IP6K2: variants seen among roughly 807,000 people sequenced by gnomAD.
The protein encoded by IP6K2 is inositol hexakisphosphate kinase 2.
IP6K2 carries 9 observed loss-of-function variants against 43.3 expected under a neutral mutation model. That is an observed-to-expected ratio of 0.21 (90% confidence interval 0.13 to 0.36). IP6K2 has a LOEUF of 0.36. IP6K2 is among the 10% of genes least tolerant of loss of function. IP6K2 has a pLI of 1.00. For missense variants in IP6K2, 332 were observed against 538.4 expected (o/e 0.62, Z 3.79); for synonymous variants, 209 against 202.4 (o/e 1.03, Z -0.28).
chr3:48,709,615 G>A (rs2080243882), intron 1 of IP6K2, among the ~76,000 whole-genome samples: 1 of 152,190 alleles, frequency 6.6e-6, no homozygotes. Flanking sequence ...AAGGCAGGCA[G>A]ATCACGAGGT....
chr3:48,693,675 A>G, intron 2 of IP6K2: 1 of 1,087,536 alleles, frequency 9.2e-7, no homozygotes, highest in Non-Finnish European at 1.1e-6. Context: ...GCAAAGCAAA[A>G]TAAAGGGGCA....
chr3:48,694,043 C>G, intron 2 of IP6K2: 2 of 1,431,456 alleles, frequency 1.4e-6, no homozygotes, highest in Non-Finnish European at 1.8e-6. Context: ...CAGCATCACT[C>G]AATCTGCTCA....
chr3:48,716,764 T>C (rs1373607801), intron 1 of IP6K2, among the ~76,000 whole-genome samples: 1 of 152,068 alleles, frequency 6.6e-6, no homozygotes. Flanking sequence ...GCCAAATATC[T>C]GGGGAGATCG....
In IP6K2 at chr3:48,695,431, A is replaced by G; in HGVS notation, c.-130-10T>C. On this transcript the variant is annotated splice_polypyrimidine_tract_variant and intron_variant, in intron 1 of 5. Coordinates refer to ENST00000328631, the MANE Select transcript of IP6K2 (RefSeq NM_016291.4). This position sits in a 1 kb window ranked among gnomAD's most constrained non-coding sequence, Gnocchi z 4.6. The stretch of plus-strand genomic sequence containing the variant: ...TGGCCAGGATGCTCTGCTGGAAGCA[A>G]ACAAAATGATGACATGGGGGTTCGA... 7 of 1,419,240 alleles carry G rather than the reference A, an allele frequency of 4.9e-6. 1 individual carries two copies. In the Middle Eastern group the frequency reaches 9.2e-4, roughly 187 times the overall value. 87.9% of individuals were successfully genotyped at this position (1,419,240 alleles called of 1,614,324 possible).
chr3:48,694,023 C>T (rs969921647), intron 2 of IP6K2: 10 of 1,401,274 alleles, frequency 7.1e-6, no homozygotes, highest in Non-Finnish European at 8.4e-6. Context: ...CCTCCCAGGC[C>T]TCTCTGCCCC....
In IP6K2 at chr3:48,689,593, C is replaced by A. The variant is rs777041135; in HGVS notation, c.725G>T (p.Arg242Leu). 3.7e-6 allele frequency: 6 copies of A among 1,614,064 alleles called. No individual in the cohort carries two copies. Among genetic ancestry groups the A allele is most frequent in the Non-Finnish European group, 5.1e-6 (6 of 1,180,048 alleles). ...ASEEKAANQIRKCQQSTSAVI... is the reference protein window; with the variant it reads ...ASEEKAANQILKCQQSTSAVI... Reference sequence around the variant, plus strand: ...TGCAGATGTGCTCTGCTGACATTTTCGGATCTGGTTGGCTGCCTTCTCCTC... The same window carrying A: ...TGCAGATGTGCTCTGCTGACATTTTAGGATCTGGTTGGCTGCCTTCTCCTC... Residue 242 changes from arginine (R) to leucine (L), a missense_variant, in exon 5 of 6, where the codon CGA becomes CTA. Arg to Leu is a moderately radical substitution (Grantham distance 102). Transcript: ENST00000328631.
intron 1 of IP6K2, among the ~76,000 whole-genome samples, chr3:48,696,669 T>C (rs1415421990): frequency 6.6e-6 from 1 of 152,244 alleles, no homozygotes; most frequent in Non-Finnish European, 1.5e-5. Flanking sequence ...CTTACAGGGC[T>C]TGAGTTACAT....
intron 1 of IP6K2, among the ~76,000 whole-genome samples, chr3:48,709,237 CCA>C (rs927166973): frequency 2.6e-4 from 39 of 152,352 alleles, no homozygotes; most frequent in Admixed American, 2.5e-3. Flanking sequence ...CAATGGGCAG[CCA>C]CAGAGGCAGG....
Position 48,688,427 on chromosome 3 carries a change from G to C in IP6K2, c.1127C>G (p.Ser376Cys). The C allele has an allele frequency of 1.2e-6, 2 of 1,614,236 alleles. No homozygotes were observed. Among genetic ancestry groups the C allele is most frequent in the Non-Finnish European group, 1.7e-6 (2 of 1,180,046 alleles). ...AAAGTCGATCATGCGCACATCTACA[G>C]AGCTGGCGCCGATGGGTTTGTAGGC... ...AYAYKPIGAS[S>C]VDVRMIDFAH... The change falls in exon 6 of 6, where the codon TCT (serine) becomes TGT (cysteine). Residue 376 changes from serine to cysteine, a missense_variant. Transcript: ENST00000328631. The surrounding 1 kb of genome is among the most constrained non-coding windows in gnomAD (Gnocchi z 5.1).
chr3:48,692,454 T>C (rs920884810), intron 3 of IP6K2, among the ~76,000 whole-genome samples: 8 of 152,176 alleles, frequency 5.3e-5, no homozygotes, highest in Admixed American at 2.6e-4. Context: ...ACTGGGAAAA[T>C]AGGAACTGAA....
At chr3:48,703,918 C>T (rs2079373359) in intron 1 of IP6K2, among the ~76,000 whole-genome samples, 2 of 151,418 alleles carry the variant, frequency 1.3e-5, no homozygotes, top group African/African-American at 2.4e-5. Flanking sequence ...TGGTGAAACC[C>T]GGTCTCTACT....
chr3:48,704,476 CT>C (rs36076263), intron 1 of IP6K2, among the ~76,000 whole-genome samples: 256 of 145,962 alleles, frequency 1.8e-3, no homozygotes, highest in Middle Eastern at 3.6e-3. Flanking sequence ...TTATGATACA[CT>C]TTTTTTTTTT....
chr3:48,689,707 A>G lies in IP6K2; in HGVS notation c.611T>C (p.Ile204Thr). 6.2e-7 allele frequency: 1 copy of G among 1,613,794 alleles called. No individual in the cohort carries two copies. The highest frequency in any genetic ancestry group is 8.5e-7 in the Non-Finnish European group (1 of 1,179,726). Residue 204 changes from isoleucine to threonine, a missense_variant, in exon 5 of 6, where the codon ATC (isoleucine) becomes ACC (threonine). By Grantham distance (89) the Ile-to-Thr change is moderately conservative. Transcript: ENST00000328631. The stretch of plus-strand genomic sequence containing the variant: ...GCGGGAAGTCAGGTTTTCCAGTAAG[A>G]TAAATTCTGAGTAGTTAAGAATAAT... ...NAKHRNQYKF[I>T]LLENLTSRYE...
At chr3:48,709,440 A>G (rs1002769173) in intron 1 of IP6K2, among the ~76,000 whole-genome samples, 1 of 152,222 alleles carries the variant, frequency 6.6e-6, no homozygotes, top group Non-Finnish European at 1.5e-5. Context: ...CGTGGCAGCA[A>G]TCTGGCAGCT....
intron 1 of IP6K2, among the ~76,000 whole-genome samples, chr3:48,700,851 G>A (rs892553840): frequency 3.3e-5 from 5 of 152,022 alleles, no homozygotes; most frequent in African/African-American, 1.2e-4. Context: ...ACTGATGGTG[G>A]AAAAACAACC....
chr3:48,714,848 A>AC, intron 1 of IP6K2, among the ~76,000 whole-genome samples: 1 of 8,336 alleles, frequency 1.2e-4, no homozygotes, highest in Non-Finnish European at 2.0e-4. Context: ...ACTCCGTCTC[A>AC]AAAAAAAAAA....
In IP6K2 at chr3:48,695,110, T is replaced by C. The variant is rs372064416; in HGVS notation, c.182A>G (p.Lys61Arg). 1.2e-5 allele frequency: 19 copies of C among 1,613,042 alleles called. No individual in the cohort carries two copies. The highest frequency in any genetic ancestry group is 1.6e-5 in the Non-Finnish European group (19 of 1,179,034). ...CTTACCTTTGTACTGGGGAGTGAAT[T>C]TGCGCATCTCAGCAGGGAGGGTCTC... ...FYETLPAEMRKFTPQYKGVVS... is the reference protein window; with the variant it reads ...FYETLPAEMRRFTPQYKGVVS... Residue 61 changes from lysine (K) to arginine (R), a missense_variant, in exon 2 of 6, where the codon AAA (lysine) becomes AGA (arginine). Lys to Arg is a conservative substitution (Grantham distance 26). Coordinates refer to ENST00000328631, the MANE Select transcript of IP6K2 (RefSeq NM_016291.4). This position sits in a 1 kb window ranked among gnomAD's most constrained non-coding sequence, Gnocchi z 4.6.
intron 1 of IP6K2, 105 bp downstream of exon 1, chr3:48,717,052 A>T (rs1284109262): frequency 6.5e-6 from 1 of 154,752 alleles, no homozygotes; most frequent in Non-Finnish European, 1.5e-5. Flanking sequence ...GTCTTTCCCA[A>T]ATAACCTGGG....
At chr3:48,699,136 G>A (rs897371709) in intron 1 of IP6K2, among the ~76,000 whole-genome samples, 3 of 152,152 alleles carry the variant, frequency 2.0e-5, no homozygotes, top group Admixed American at 6.6e-5. Context: ...GGGGCCGGGC[G>A]TGGTGGCTCA....
Sources: allele counts gnomAD v4.1 joint callset (sites outside exome capture counted in the v4.1 genomes callset), GRCh38; gene constraint gnomAD v4.1.1; non-coding constraint Gnocchi (gnomAD v3.1); transcripts MANE v1.5; gene names NCBI Gene and HGNC (gene_info 2026-07-23, HGNC 2026-07-21).